GRID1: variants seen among roughly 807,000 people sequenced by gnomAD.
GRID1 encodes the protein glutamate receptor ionotropic, delta-1.
A neutral mutation model predicts 98.0 loss-of-function variants in GRID1; 28 were observed. That is an observed-to-expected ratio of 0.29 (90% CI 0.21 to 0.39). The LOEUF (loss-of-function observed/expected upper bound fraction) is 0.39. Ranked by LOEUF, GRID1 falls within the 10% of genes least tolerant of loss-of-function variation. The pLI, the probability that GRID1 is intolerant of heterozygous loss-of-function variation, is 1.00. For synonymous variants in GRID1, 553 were observed against 538.5 expected, an observed-to-expected ratio of 1.03 and a Z score of -0.37; for missense variants, 1,111 against 1,340.5, an observed-to-expected ratio of 0.83 and a Z score of 2.67.
chr10:85,681,411 A>G (rs947188575), intron 12 of GRID1, among the ~76,000 whole-genome samples: 2 of 152,216 alleles, frequency 1.3e-5, no homozygotes, highest in Non-Finnish European at 1.5e-5. Flanking sequence ...AAAAATAACA[A>G]AGAAAAGAAA....
chr10:85,664,739 G>A (rs561096287), intron 12 of GRID1, among the ~76,000 whole-genome samples: 113 of 152,296 alleles, frequency 7.4e-4, no homozygotes, highest in Middle Eastern at 6.8e-3. Context: ...CTCTCTACTT[G>A]AAGTCTTTCC....
chr10:86,224,161 C>T (rs998258752), intron 2 of GRID1, among the ~76,000 whole-genome samples: 6 of 152,036 alleles, frequency 3.9e-5, no homozygotes, highest in African/African-American at 1.2e-4. Context: ...CCCTCCCAAG[C>T]TCCCACCCCC....
chr10:86,147,906 C>A (rs983222649), intron 3 of GRID1, among the ~76,000 whole-genome samples: 3 of 152,166 alleles, frequency 2.0e-5, no homozygotes, highest in African/African-American at 4.8e-5. Flanking sequence ...CCTCTATGCC[C>A]CAGAGCCCAC....
chr10:86,231,370 C>T (rs1250943887), intron 2 of GRID1, among the ~76,000 whole-genome samples: 1 of 152,148 alleles, frequency 6.6e-6, no homozygotes, highest in African/African-American at 2.4e-5. Flanking sequence ...GCCTGGGAAG[C>T]AGGGCCAAGT....
chr10:86,109,073 T>C (rs1214346022), intron 4 of GRID1, among the ~76,000 whole-genome samples: 1 of 152,256 alleles, frequency 6.6e-6, no homozygotes, highest in Non-Finnish European at 1.5e-5. Context: ...CCTTTTCTTC[T>C]GTTCTCCTGA....
At chr10:86,262,443 G>A (rs978781568) in intron 2 of GRID1, among the ~76,000 whole-genome samples, 2 of 152,202 alleles carry the variant, frequency 1.3e-5, no homozygotes, top group Non-Finnish European at 2.9e-5. Context: ...CCTGGTCCAT[G>A]CCACAGGGTC....
chr10:85,759,587 C>A (rs529330369), intron 8 of GRID1, among the ~76,000 whole-genome samples: 8 of 152,104 alleles, frequency 5.3e-5, no homozygotes, highest in African/African-American at 1.4e-4. Context: ...TGGTAAAAGG[C>A]GATTTGCACA....
At chr10:86,041,134 C>G (rs1843339512) in intron 4 of GRID1, among the ~76,000 whole-genome samples, 1 of 152,218 alleles carries the variant, frequency 6.6e-6, no homozygotes, top group Non-Finnish European at 1.5e-5. Context: ...GTGCTAACCA[C>G]TTCACTCCAC....
At position 86,206,217 on chromosome 10, in the gene GRID1, G is replaced by T. The variant is rs1846022754; in HGVS notation, c.520+147C>A. 7.7e-6 allele frequency: 5 copies of T among 648,880 alleles called. No individual in the cohort carries two copies. The highest frequency in any genetic ancestry group is 7.3e-5 in the African/African-American group (4 of 54,852). The allele number at this position is 648,880 out of a possible 1,614,324, so 40.2% of individuals were successfully genotyped here. A position where few individuals can be genotyped will look rare whatever the true frequency, so the allele number is the denominator to read the frequency against. The stretch of plus-strand genomic sequence containing the variant: ...GTTGTTGCAGCTCTTCCTGACTCAT[G>T]AAGCTCGAGGTTTGACCCTATCACC... On this transcript the variant is annotated intron_variant, in intron 3 of 15. Coordinates refer to ENST00000327946, the MANE Select transcript of GRID1 (RefSeq NM_017551.3). The surrounding 1 kb of genome is among the most constrained non-coding windows in gnomAD (Gnocchi z 4.1).
chr10:85,907,656 C>T (rs973616166), intron 5 of GRID1, among the ~76,000 whole-genome samples: 8 of 152,132 alleles, frequency 5.3e-5, no homozygotes, highest in Admixed American at 3.9e-4. Context: ...AGAGAGAATA[C>T]TTCCCAACTT....
chr10:86,043,038 T>G (rs1843369345), intron 4 of GRID1, among the ~76,000 whole-genome samples: 1 of 151,516 alleles, frequency 6.6e-6, no homozygotes, highest in South Asian at 2.1e-4. Flanking sequence ...CGAGCCGAGA[T>G]CAATCACTCC....
chr10:85,613,273 A>G, intron 15 of GRID1, 134 bp downstream of exon 15: 2 of 844,558 alleles, frequency 2.4e-6, no homozygotes, highest in Non-Finnish European at 3.6e-6. Context: ...AAATCCCCCA[A>G]TATAAAACAC....
At position 85,601,143 on chromosome 10, in the gene GRID1, C is replaced by T. The variant is rs1452149882; in HGVS notation, c.*1130G>A. On this transcript the variant is annotated 3_prime_UTR_variant, in exon 16 of 16. Transcript: ENST00000327946. ...TACCCAAATAAACATGGTCTCTTTTCTCTATTTCTCAGCATGCCCCATCAC... is the reference window on the plus strand; with the variant it reads ...TACCCAAATAAACATGGTCTCTTTTTTCTATTTCTCAGCATGCCCCATCAC... 1 of 152,422 alleles carries T rather than the reference C, an allele frequency of 6.6e-6. No homozygotes were observed. Among genetic ancestry groups the T allele is most frequent in the Non-Finnish European group, 1.5e-5 (1 of 68,230 alleles). The allele number at this position is 152,422 out of a possible 1,614,324, so 9.4% of individuals were successfully genotyped here.
chr10:86,025,560 C>A lies in GRID1; in HGVS notation c.727-109321G>T, dbSNP rs79232395. On this transcript the variant is annotated intron_variant, in intron 4 of 15. Coordinates refer to ENST00000327946, the MANE Select transcript of GRID1 (RefSeq NM_017551.3). ...GCTTTCCAAATGCTGTCCTTTCTAC[C>A]CCAACCACAACCCCAGAACAGGAGC... Among the ~76,000 whole-genome samples, 202 of 152,246 alleles carry A rather than the reference C, an allele frequency of 1.3e-3. 1 individual carries two copies. The highest frequency in any genetic ancestry group is 4.4e-3 in the African/African-American group (181 of 41,550).
chr10:85,806,954 T>A (rs1213556999), intron 8 of GRID1, among the ~76,000 whole-genome samples: 2 of 152,190 alleles, frequency 1.3e-5, no homozygotes, highest in East Asian at 1.9e-4. Flanking sequence ...CAGATTTTTT[T>A]AAACTTTACA....
chr10:86,335,074 G>A (rs1848204601), intron 2 of GRID1, among the ~76,000 whole-genome samples: 1 of 152,236 alleles, frequency 6.6e-6, no homozygotes, highest in African/African-American at 2.4e-5. Context: ...AGAGCATAGG[G>A]GAAATCACTC....
At chr10:86,130,331 A>T (rs1383149806) in intron 4 of GRID1, among the ~76,000 whole-genome samples, 6 of 152,238 alleles carry the variant, frequency 3.9e-5, no homozygotes, top group African/African-American at 1.4e-4. Flanking sequence ...TGGGTAGAAG[A>T]GGGAAGTTCC....
chr10:85,933,110 A>G (rs1428252079), intron 4 of GRID1, among the ~76,000 whole-genome samples: 1 of 152,036 alleles, frequency 6.6e-6, no homozygotes, highest in South Asian at 2.1e-4. Flanking sequence ...TGGCTTCCTT[A>G]TAAAAGGGTG....
At chr10:85,865,954 TGG>T (rs1491302944) in intron 6 of GRID1, among the ~76,000 whole-genome samples, 637 of 54,304 alleles carry the variant, frequency 0.012, 18 homozygotes, top group Admixed American at 0.024. Context: ...CACATATATA[TGG>T]AGAGAGAGAG....
Sources: gnomAD v4.1 joint callset for allele counts (sites outside exome capture counted in the v4.1 genomes callset) on GRCh38, gnomAD v4.1.1 for gene constraint, Gnocchi (gnomAD v3.1) non-coding constraint, MANE v1.5 for transcripts, NCBI Gene and HGNC (gene_info 2026-07-23, HGNC 2026-07-21) for gene names.